Variants in TENM3 observed in about 807,000 individuals in gnomAD.
TENM3 encodes the protein teneurin transmembrane protein 3.
Under a neutral mutation model 255.1 loss-of-function variants are expected in TENM3, and 63 were observed. The observed-to-expected ratio is 0.25, with a 90% CI of 0.20 to 0.30. The LOEUF (loss-of-function observed/expected upper bound fraction) is 0.30. TENM3 is among the 10% of genes least tolerant of loss of function. The probability of loss-of-function intolerance (pLI) is 1.00; values close to 1 mark genes in which losing one functional copy is unlikely to be tolerated. For missense variants in TENM3, 2,929 were observed against 3,461.1 expected, an observed-to-expected ratio of 0.85 and a Z score of 3.86; for synonymous variants, 1,306 against 1,322.3, an observed-to-expected ratio of 0.99 and a Z score of 0.27.
intron 3 of TENM3, among the ~76,000 whole-genome samples, chr4:182,389,843 TCC>T (rs1561397203): frequency 1.3e-5 from 2 of 151,592 alleles, no homozygotes; most frequent in Non-Finnish European, 2.9e-5. Flanking sequence ...CCGCCACCAC[TCC>T]CGGCTAATTT....
intron 5 of TENM3, among the ~76,000 whole-genome samples, chr4:182,634,673 T>A (rs1428665910): frequency 5.6e-5 from 8 of 143,246 alleles, no homozygotes; most frequent in Non-Finnish European, 1.0e-4. Flanking sequence ...CTCTGGGCCC[T>A]GATGTACTCA....
At chr4:182,244,021 T>A in intron 1 of TENM3, among the ~76,000 whole-genome samples, 1 of 135,184 alleles carries the variant, frequency 7.4e-6, no homozygotes, top group South Asian at 2.5e-4. Flanking sequence ...TGGCGTGACC[T>A]CGGCTCACTG....
chr4:181,963,728 C>A, the TENM3 span, among the ~76,000 whole-genome samples: 9 of 152,040 alleles, frequency 5.9e-5, no homozygotes, highest in Non-Finnish European at 1.3e-4. Flanking sequence ...GTGGATAGAA[C>A]GCAAAGATGA....
chr4:182,062,133 T>A, the TENM3 span, among the ~76,000 whole-genome samples: 3 of 152,116 alleles, frequency 2.0e-5, no homozygotes, highest in Admixed American at 6.5e-5. Context: ...TAGCATAGAT[T>A]AAGAGATGCA....
chr4:182,616,054 G>A (rs537006593), intron 4 of TENM3, among the ~76,000 whole-genome samples: 13 of 152,278 alleles, frequency 8.5e-5, no homozygotes, highest in East Asian at 3.9e-4. Context: ...TAACAAGCCC[G>A]CCAGGTTACT....
chr4:182,109,798 T>C, the TENM3 span, among the ~76,000 whole-genome samples: 1 of 152,190 alleles, frequency 6.6e-6, no homozygotes, highest in African/African-American at 2.4e-5. Context: ...CCCTCTCCTC[T>C]AAAATTGCAT....
At chr4:182,438,645 A>AGTT (rs1772224518) in intron 3 of TENM3, among the ~76,000 whole-genome samples, 1 of 152,236 alleles carries the variant, frequency 6.6e-6, no homozygotes, top group Non-Finnish European at 1.5e-5. Context: ...AAAAAGATGC[A>AGTT]GTTATTCAAC....
At chr4:181,557,066 T>C in the TENM3 span, among the ~76,000 whole-genome samples, 64 of 152,284 alleles carry the variant, frequency 4.2e-4, no homozygotes, top group Non-Finnish European at 7.4e-4. Context: ...TGGACTTTTT[T>C]CCCATTAGCC....
chr4:182,421,002 A>C (rs1047865977), intron 3 of TENM3, among the ~76,000 whole-genome samples: 1 of 152,182 alleles, frequency 6.6e-6, no homozygotes, highest in Non-Finnish European at 1.5e-5. Flanking sequence ...CAAAGAAGTA[A>C]ATCCAGTTAT....
intron 13 of TENM3, among the ~76,000 whole-genome samples, chr4:182,728,180 C>T (rs17073912): frequency 0.081 from 12,311 of 152,110 alleles, 767 homozygotes; most frequent in African/African-American, 0.17. Context: ...GTGGTTGGCT[C>T]ATCTCATCCA....
chr4:182,378,229 G>T (rs527305594), intron 3 of TENM3, among the ~76,000 whole-genome samples: 3 of 152,218 alleles, frequency 2.0e-5, no homozygotes, highest in Non-Finnish European at 4.4e-5. Flanking sequence ...TTATCCCTTT[G>T]TCTTTCTTGA....
chr4:182,480,302 T>G (rs1734069631), intron 3 of TENM3, among the ~76,000 whole-genome samples: 1 of 152,058 alleles, frequency 6.6e-6, no homozygotes, highest in Non-Finnish European at 1.5e-5. Context: ...TTACAGTAAT[T>G]TAGCAAGATA....
chr4:181,888,450 GT>G, the TENM3 span, among the ~76,000 whole-genome samples: 2 of 142,740 alleles, frequency 1.4e-5, no homozygotes, highest in Non-Finnish European at 3.0e-5. Context: ...TTCACTGTCT[GT>G]ATTAGTCAGC....
intron 13 of TENM3, among the ~76,000 whole-genome samples, chr4:182,726,251 T>G (rs1760172067): frequency 1.3e-5 from 2 of 152,196 alleles, no homozygotes; most frequent in Non-Finnish European, 2.9e-5. Context: ...AGATTTTTAG[T>G]TACTGTCTCT....
chr4:181,658,900 C>T, the TENM3 span, among the ~76,000 whole-genome samples: 27 of 152,124 alleles, frequency 1.8e-4, no homozygotes, highest in Admixed American at 7.9e-4. Flanking sequence ...CCAAAGCGTG[C>T]GCCTATAATG....
the TENM3 span, among the ~76,000 whole-genome samples, chr4:181,863,995 T>C: frequency 6.6e-6 from 1 of 152,140 alleles, no homozygotes; most frequent in South Asian, 2.1e-4. Flanking sequence ...CCTTCCTAGA[T>C]TTCAAGAACT....
the TENM3 span, among the ~76,000 whole-genome samples, chr4:181,829,680 C>T: frequency 2.6e-5 from 4 of 152,190 alleles, no homozygotes; most frequent in Admixed American, 1.3e-4. Context: ...GCTGCTGAAC[C>T]GCTCTATCCC....
At chr4:181,548,445 A>G in the TENM3 span, among the ~76,000 whole-genome samples, 2 of 152,234 alleles carry the variant, frequency 1.3e-5, no homozygotes, top group Admixed American at 6.5e-5. Flanking sequence ...GATTAAGAAA[A>G]TGTGGCACAT....
chr4:182,069,369 G>A, the TENM3 span, among the ~76,000 whole-genome samples: 107,923 of 151,966 alleles, frequency 0.71, 39,022 homozygotes, highest in East Asian at 0.87. Context: ...AACATTTTCA[G>A]TACCCTCTTC....
Sources: gnomAD v4.1 joint callset for allele counts (sites outside exome capture counted in the v4.1 genomes callset) on GRCh38, gnomAD v4.1.1 for gene constraint, MANE v1.5 for transcripts, NCBI Gene and HGNC (gene_info 2026-07-23, HGNC 2026-07-21) for gene names.